EPHA3: variants seen among roughly 807,000 people sequenced by gnomAD.
EPHA3 encodes the protein EPH receptor A3.
A neutral mutation model predicts 107.1 loss-of-function variants in EPHA3; 42 were observed. The observed-to-expected ratio is 0.39, with a 90% CI of 0.31 to 0.51. The LOEUF (loss-of-function observed/expected upper bound fraction) is 0.51, where lower values mean the gene tolerates loss of function less well. EPHA3 is among the 20% of genes least tolerant of loss of function. EPHA3 has a pLI of 0.78. For synonymous variants in EPHA3, 461 were observed against 424.8 expected, an observed-to-expected ratio of 1.09 and a Z score of -1.05; for missense variants, 1,183 against 1,211.2, an observed-to-expected ratio of 0.98 and a Z score of 0.35.
At chr3:89,428,690 A>G (rs918964065) in intron 11 of EPHA3, among the ~76,000 whole-genome samples, 6 of 152,148 alleles carry the variant, frequency 3.9e-5, no homozygotes, top group Non-Finnish European at 7.4e-5. Context: ...ACACGTATAT[A>G]TGTGTGTGTG....
chr3:89,251,750 C>T (rs1292106499), intron 3 of EPHA3, among the ~76,000 whole-genome samples: 1 of 151,880 alleles, frequency 6.6e-6, no homozygotes, highest in Non-Finnish European at 1.5e-5. Context: ...AATCCATTGG[C>T]ATGTCTTGCT....
At chr3:89,372,520 C>T (rs182790842) in intron 5 of EPHA3, among the ~76,000 whole-genome samples, 5 of 151,556 alleles carry the variant, frequency 3.3e-5, no homozygotes, top group East Asian at 1.9e-4. Flanking sequence ...TAGGAATGCT[C>T]TTAACCACTT....
chr3:89,468,618 G>A (rs1156406913), intron 15 of EPHA3, among the ~76,000 whole-genome samples: 2 of 152,102 alleles, frequency 1.3e-5, no homozygotes, highest in African/African-American at 4.8e-5. Context: ...TGGCGTGTGC[G>A]CGCGCATGCC....
intron 2 of EPHA3, among the ~76,000 whole-genome samples, chr3:89,174,272 A>C (rs1705273423): frequency 6.6e-6 from 1 of 152,040 alleles, no homozygotes; most frequent in Admixed American, 6.5e-5. Context: ...GTATTTGCAT[A>C]GTAATAAGAT....
intron 2 of EPHA3, among the ~76,000 whole-genome samples, chr3:89,191,615 A>T (rs1302595890): frequency 6.6e-6 from 1 of 152,202 alleles, no homozygotes; most frequent in African/African-American, 2.4e-5. Flanking sequence ...TATATCTTGT[A>T]ACAATATTTA....
intron 3 of EPHA3, among the ~76,000 whole-genome samples, chr3:89,278,966 T>A (rs73846116): frequency 0.048 from 7,267 of 152,290 alleles, 571 homozygotes; most frequent in African/African-American, 0.16. Context: ...TGCATTCAAC[T>A]TACTTGCTGG....
chr3:89,146,193 G>T (rs1327865809), intron 2 of EPHA3, among the ~76,000 whole-genome samples: 1 of 151,694 alleles, frequency 6.6e-6, no homozygotes, highest in Non-Finnish European at 1.5e-5. Context: ...CTTTCTCCAG[G>T]GTATCCTCCA....
intron 3 of EPHA3, among the ~76,000 whole-genome samples, chr3:89,256,181 G>A (rs921399462): frequency 6.6e-6 from 1 of 150,508 alleles, no homozygotes; most frequent in Admixed American, 6.6e-5. Context: ...AACCCAGGAG[G>A]CAGAGGTTGC....
intron 5 of EPHA3, among the ~76,000 whole-genome samples, chr3:89,349,760 G>T (rs1475912527): frequency 6.6e-5 from 10 of 150,594 alleles, no homozygotes; most frequent in African/African-American, 2.2e-4. Flanking sequence ...GGTACCAGTT[G>T]TTCCTTTCCA....
chr3:89,211,742 C>CCTTCTT (rs1206791496), intron 3 of EPHA3, among the ~76,000 whole-genome samples: 62 of 19,506 alleles, frequency 3.2e-3, no homozygotes, highest in East Asian at 0.014. Flanking sequence ...TTCTTCTTCT[C>CCTTCTT]CTTCTTCTTC....
intron 3 of EPHA3, among the ~76,000 whole-genome samples, chr3:89,261,305 C>T (rs1705409691): frequency 6.6e-6 from 1 of 152,118 alleles, no homozygotes; most frequent in African/African-American, 2.4e-5. Context: ...ATTTTTTTCC[C>T]ATCAGAATGC....
chr3:89,195,110 A>AT (rs1000831070), intron 2 of EPHA3, among the ~76,000 whole-genome samples: 54 of 151,568 alleles, frequency 3.6e-4, no homozygotes, highest in African/African-American at 9.7e-4. Context: ...TATGCATGTA[A>AT]TTTTTTTTTC....
chr3:89,322,058 C>T (rs949009993), intron 3 of EPHA3, among the ~76,000 whole-genome samples: 1 of 151,694 alleles, frequency 6.6e-6, no homozygotes, highest in African/African-American at 2.4e-5. Flanking sequence ...AATGAGTCTA[C>T]TTCAGTGGAA....
At chr3:89,351,234 T>A (rs1341236254) in intron 5 of EPHA3, among the ~76,000 whole-genome samples, 3 of 151,204 alleles carry the variant, frequency 2.0e-5, no homozygotes, top group Non-Finnish European at 4.4e-5. Context: ...TGCCTTGCAG[T>A]TTGATCTCAG....
rs536122812 is a variant in EPHA3, at chr3:89,308,448, G to A, written c.815-32468G>A. ...GGCTATAATAGTGTGTGGGTGGGTG[G>A]TAGAGGCAGGAGTGCAAGAAGAACA... On this transcript the variant is annotated intron_variant, in intron 3 of 16. Transcript: ENST00000336596. 1.8e-4 allele frequency among the ~76,000 whole-genome samples: 27 copies of A among 152,164 alleles called. 1 individual carries two copies. The Middle Eastern group carries it at 0.01, about 58-fold the overall frequency.
chr3:89,425,114 G>A (rs1483810530), intron 11 of EPHA3, among the ~76,000 whole-genome samples: 3 of 151,130 alleles, frequency 2.0e-5, no homozygotes, highest in Middle Eastern at 3.2e-3. Flanking sequence ...ACTCATAGAC[G>A]TAATAGGGGT....
At chr3:89,470,825 C>T (rs1034463326) in intron 15 of EPHA3, among the ~76,000 whole-genome samples, 3 of 152,116 alleles carry the variant, frequency 2.0e-5, no homozygotes, top group Admixed American at 6.6e-5. Context: ...AACTTAGCTT[C>T]GTAACTTAAT....
At chr3:89,287,723 T>C (rs543059242) in intron 3 of EPHA3, among the ~76,000 whole-genome samples, 15 of 152,260 alleles carry the variant, frequency 9.9e-5, no homozygotes, top group Admixed American at 9.2e-4. Context: ...CAAAAATCAC[T>C]GAGGTCAACA....
At chr3:89,391,614 T>A (rs1429681209) in intron 5 of EPHA3, among the ~76,000 whole-genome samples, 3 of 151,404 alleles carry the variant, frequency 2.0e-5, no homozygotes, top group Non-Finnish European at 4.4e-5. Context: ...TTTTTTTTTT[T>A]AGTAGAGATG....
Sources: allele counts gnomAD v4.1 joint callset (sites outside exome capture counted in the v4.1 genomes callset), GRCh38; gene constraint gnomAD v4.1.1; transcripts MANE v1.5; gene names NCBI Gene and HGNC (gene_info 2026-07-23, HGNC 2026-07-21).